The following WARS2 variants were observed in gnomAD, a reference collection of about 807,000 sequenced individuals.
WARS2 encodes tryptophanyl tRNA synthetase 2, mitochondrial, also known as tryptophan--tRNA ligase, mitochondrial.
WARS2 carries 28 observed loss-of-function variants against 36.5 expected under a neutral mutation model. The observed-to-expected ratio is 0.77, with a 90% CI of 0.57 to 1.05. The LOEUF is 1.05. Ranked by LOEUF, WARS2 falls within the 50% of genes least tolerant of loss-of-function variation. The pLI is 0.00. For synonymous variants in WARS2, 174 were observed against 178.4 expected, an observed-to-expected ratio of 0.98 and a Z score of 0.20; for missense variants, 435 against 456.8, an observed-to-expected ratio of 0.95 and a Z score of 0.44.
chr1:119,064,823 A>T (rs1056864921), intron 2 of WARS2: 1 of 151,470 alleles, frequency 6.6e-6, no homozygotes, highest in Non-Finnish European at 1.5e-5. Flanking sequence ...ATGAAAACAG[A>T]CTAATACAAT....
intron 1 of WARS2, among the ~76,000 whole-genome samples, chr1:119,088,435 A>AACACAC (rs113752727): frequency 0.088 from 13,053 of 149,018 alleles, 613 homozygotes; most frequent in East Asian, 0.23. Flanking sequence ...GAAACACTGA[A>AACACAC]ACACACACAC....
intron 2 of WARS2, among the ~76,000 whole-genome samples, chr1:119,074,816 G>T (rs1351903781): frequency 2.6e-5 from 4 of 152,142 alleles, no homozygotes; most frequent in Admixed American, 6.5e-5. Flanking sequence ...AACAAGGAAT[G>T]AAATCATGTC....
intron 2 of WARS2, among the ~76,000 whole-genome samples, chr1:119,060,709 G>A (rs1319729321): frequency 6.6e-6 from 1 of 152,166 alleles, no homozygotes; most frequent in African/African-American, 2.4e-5. Context: ...TGGATAACAC[G>A]GAGTAAGTGT....
At chr1:119,122,026 A>C (rs1255307539) in intron 1 of WARS2, among the ~76,000 whole-genome samples, 1 of 152,160 alleles carries the variant, frequency 6.6e-6, no homozygotes, top group Admixed American at 6.5e-5. Context: ...TGCAATGAAA[A>C]CCAAGACAAA....
chr1:119,130,163 C>A lies in WARS2; in HGVS notation c.90+10392G>T, dbSNP rs755536353. On this transcript the variant is annotated intron_variant, in intron 1 of 5. Transcript: ENST00000235521. ...AATGAGAAAAAAAAAAAGGCAATGT[C>A]AATACAATAAATGAGCTTTTTATTT... Among the ~76,000 whole-genome samples, 158 of 151,804 alleles carry A rather than the reference C, an allele frequency of 1.0e-3. 1 individual carries two copies. The highest frequency in any genetic ancestry group is 9.0e-4 in the Non-Finnish European group (61 of 67,932).
chr1:119,131,479 T>TTTG (rs1656101434), intron 1 of WARS2, among the ~76,000 whole-genome samples: 2 of 150,772 alleles, frequency 1.3e-5, no homozygotes, highest in Non-Finnish European at 1.5e-5. Context: ...TTTTTTTTTT[T>TTTG]GAGACGTAGT....
At chr1:119,085,780 A>C in intron 1 of WARS2, 1 of 1,602,494 alleles carries the variant, frequency 6.2e-7, no homozygotes, top group Non-Finnish European at 8.5e-7. Context: ...ATCTCCCCAT[A>C]CTGTGAGAAC....
chr1:119,124,329 C>T lies in WARS2; in HGVS notation c.90+16226G>A, dbSNP rs587769949. Among the ~76,000 whole-genome samples, 25 of 152,152 alleles carry T rather than the reference C, an allele frequency of 1.6e-4. 1 individual carries two copies. Among genetic ancestry groups the T allele is most frequent in the Middle Eastern group, 3.4e-3 (1 of 294 alleles). On this transcript the variant is annotated intron_variant, in intron 1 of 5. Transcript: ENST00000235521. ...CCAACATAGTGAAACCCTGTCTCTA[C>T]TAAAAATACAAAAATTAGCCAGGTA...
In WARS2 at chr1:119,033,338, GATTT is replaced by G; in HGVS notation, c.652_655del (p.Lys218ProfsTer22). 2.5e-6 allele frequency: 4 copies of G among 1,614,158 alleles called. No individual in the cohort carries two copies. The highest frequency in any genetic ancestry group is 3.4e-6 in the Non-Finnish European group (4 of 1,180,032). ...CATTTTGGCAGAAGGATCACGTAGG[GATTT>G]TACCTTCTTCATGGATGCTAGGTTA... is the stretch of plus-strand genomic sequence containing the variant. On this transcript the variant is annotated frameshift_variant, in exon 6 of 6. Coordinates refer to ENST00000235521, the MANE Select transcript of WARS2 (RefSeq NM_015836.4). LOFTEE classifies it high-confidence loss of function.
intron 1 of WARS2, among the ~76,000 whole-genome samples, chr1:119,123,917 T>C (rs142309145): frequency 4.5e-4 from 69 of 152,146 alleles, no homozygotes; most frequent in Admixed American, 3.1e-3. Flanking sequence ...CATCTATACC[T>C]CTCTCCTGAG....
At chr1:119,084,749 G>T (rs1198659487) in intron 1 of WARS2, among the ~76,000 whole-genome samples, 1 of 152,008 alleles carries the variant, frequency 6.6e-6, no homozygotes. Context: ...GGTTCTACGG[G>T]TTCAAGAGCC....
In WARS2 at chr1:119,084,025, GT is replaced by G. The variant is rs1221473088; in HGVS notation, c.91-7419del. On this transcript the variant is annotated intron_variant, in intron 1 of 5. Coordinates refer to ENST00000235521, the MANE Select transcript of WARS2 (RefSeq NM_015836.4). ...AAAATTTAGTTTTTCCTCATACGAT[GT>G]TTTTTTTTTTTTTGAGACAGAGTGT... Among the ~76,000 whole-genome samples, 249 of 141,680 alleles carry G rather than the reference GT, an allele frequency of 1.8e-3. 1 individual carries two copies. The highest frequency in any genetic ancestry group is 3.1e-3 in the African/African-American group (119 of 38,876). 92.9% of individuals were successfully genotyped at this position (141,680 alleles called of 152,430 possible).
chr1:119,040,800 G>A (rs1648287321), intron 4 of WARS2, among the ~76,000 whole-genome samples: 1 of 152,170 alleles, frequency 6.6e-6, no homozygotes, highest in South Asian at 2.1e-4. Flanking sequence ...AGGTGAGAAA[G>A]TCAAGTTTCT....
intron 4 of WARS2, 63 bp from the exon 5 acceptor site, chr1:119,034,276 T>G: frequency 1.6e-6 from 2 of 1,254,666 alleles, no homozygotes; most frequent in Non-Finnish European, 2.3e-6. Context: ...GAAATGATAT[T>G]GCAAGCAGCT....
At chr1:119,116,366 T>C (rs1654970993) in intron 1 of WARS2, among the ~76,000 whole-genome samples, 1 of 152,134 alleles carries the variant, frequency 6.6e-6, no homozygotes, top group African/African-American at 2.4e-5. Context: ...AAAAAAAGAA[T>C]GGCAGGTAAG....
chr1:119,127,068 T>C (rs1443165401), intron 1 of WARS2: 6 of 762,130 alleles, frequency 7.9e-6, no homozygotes, highest in Admixed American at 1.7e-5. Flanking sequence ...TTCATCATTC[T>C]GCAAATCAGT....
At chr1:119,107,136 T>A (rs1281949838) in intron 1 of WARS2, among the ~76,000 whole-genome samples, 1 of 152,162 alleles carries the variant, frequency 6.6e-6, no homozygotes, top group Non-Finnish European at 1.5e-5. Context: ...CTTTTGCCCA[T>A]TTTTCAACTG....
At chr1:119,099,234 T>C (rs1414376587) in intron 1 of WARS2, among the ~76,000 whole-genome samples, 1 of 152,114 alleles carries the variant, frequency 6.6e-6, no homozygotes, top group Non-Finnish European at 1.5e-5. Flanking sequence ...GCACTCCTAA[T>C]TCAGCAAGGA....
chr1:119,033,103 C>A lies in WARS2; in HGVS notation c.891G>T (p.Met297Ile). Residue 297 changes from methionine to isoleucine, a missense_variant, in exon 6 of 6, where the codon ATG becomes ATT. Coordinates refer to ENST00000235521, the MANE Select transcript of WARS2 (RefSeq NM_015836.4). Reference protein sequence around the residue: ...VEEVVRRSAGMNTARYKLAVA... With the variant: ...VEEVVRRSAGINTARYKLAVA... Reference sequence around the variant, plus strand: ...CGGCCAGCTTGTAGCGAGCAGTGTTCATGCCCGCGCTGCGGCGCACCACTT... The same window carrying A: ...CGGCCAGCTTGTAGCGAGCAGTGTTAATGCCCGCGCTGCGGCGCACCACTT... 6.2e-7 allele frequency: 1 copy of A among 1,614,242 alleles called. No individual in the cohort carries two copies. Among genetic ancestry groups the A allele is most frequent in the Non-Finnish European group, 8.5e-7 (1 of 1,180,056 alleles).
Sources: gnomAD v4.1 joint callset for allele counts (sites outside exome capture counted in the v4.1 genomes callset) on GRCh38, gnomAD v4.1.1 for gene constraint, MANE v1.5 for transcripts, NCBI Gene and HGNC (gene_info 2026-07-23, HGNC 2026-07-21) for gene names.